DHX37: variants seen among roughly 807,000 people sequenced by gnomAD.
The protein encoded by DHX37 is probable ATP-dependent RNA helicase DHX37.
DHX37 carries 52 observed loss-of-function variants against 134.3 expected under a neutral mutation model. The observed-to-expected ratio is 0.39, with a 90% CI of 0.31 to 0.49. DHX37 has a LOEUF of 0.49. Ranked by LOEUF, DHX37 falls within the 20% of genes least tolerant of loss-of-function variation. The probability of loss-of-function intolerance (pLI) is 0.93; values close to 1 mark genes in which losing one functional copy is unlikely to be tolerated. For missense variants in DHX37, 1,344 were observed against 1,580.8 expected, an observed-to-expected ratio of 0.85 and a Z score of 2.54; for synonymous variants, 634 against 670.7, an observed-to-expected ratio of 0.95 and a Z score of 0.85.
At position 124,980,563 on chromosome 12, in the gene DHX37, G is replaced by C. The variant is rs75990925; in HGVS notation, c.665C>G (p.Ala222Gly). Residue 222 changes from alanine (A) to glycine (G), a missense_variant, in exon 4 of 27, where the codon GCA becomes GGA. By Grantham distance (60) the Ala-to-Gly change is moderately conservative. Around this residue, in one of 7 missense-constraint regions of DHX37, gnomAD observed 319 missense variants for 296.1 expected, o/e 1.08. Transcript: ENST00000308736. This position sits in a 1 kb window ranked among gnomAD's most constrained non-coding sequence, Gnocchi z 5.3. ...AGMTVPPPPAAAPPLPRALAK... is the reference protein window; with the variant it reads ...AGMTVPPPPAGAPPLPRALAK... ...CAGGGCCCTGGGCAGTGGTGGGGCT[G>C]CAGCTGGAGGAGGAGGAACAGTCAT... The C allele has an allele frequency of 1.5e-3, 2,429 of 1,611,950 alleles. 33 individuals carry two copies. The African/African-American group carries it at 0.029, about 19-fold the overall frequency.
At chr12:124,961,350 T>C (rs1954261103) in intron 15 of DHX37, among the ~76,000 whole-genome samples, 1 of 148,432 alleles carries the variant, frequency 6.7e-6, no homozygotes, top group Admixed American at 6.6e-5. Context: ...ACACACACAA[T>C]TACAGCACAC....
At chr12:124,968,785 A>C (rs1954452809) in intron 9 of DHX37, 82 bp downstream of exon 9, 2 of 1,597,898 alleles carry the variant, frequency 1.3e-6, no homozygotes, top group Admixed American at 3.4e-5. Context: ...CCTGTGACCA[A>C]GTGAGGTCTC....
intron 6 of DHX37, among the ~76,000 whole-genome samples, chr12:124,973,645 T>TTA: frequency 1.4e-5 from 2 of 144,798 alleles, no homozygotes; most frequent in African/African-American, 5.1e-5. Context: ...ACGCTTTTTT[T>TTA]TTTTTTTTTT....
Position 124,952,430 on chromosome 12 carries a change from T to C in DHX37, c.2836A>G (p.Met946Val). The C allele has an allele frequency of 1.2e-6, 2 of 1,610,514 alleles. No individual in the cohort carries two copies. The highest frequency in any genetic ancestry group is 1.1e-5 in the South Asian group (1 of 90,820). ...HLARRVQSEE[M>V]LEDKWRNAYK... ...GCGTTCCTCCACTTGTCCTCCAGCA[T>C]CTCCTCGCTCTGGACCCTGCGGGCC... Residue 946 changes from methionine (M) to valine (V), a missense_variant, in exon 21 of 27, where the codon ATG (methionine) becomes GTG (valine). This residue lies in a region of DHX37 where 558 missense variants were observed against 650.0 expected (regional missense o/e 0.86). Transcript: ENST00000308736.
intron 10 of DHX37, 86 bp downstream of exon 10, chr12:124,968,448 C>T: frequency 6.4e-7 from 1 of 1,570,282 alleles, no homozygotes; most frequent in Non-Finnish European, 8.6e-7. Context: ...TTCTGAGCCA[C>T]TCGGAGATGG....
Position 124,967,140 on chromosome 12 carries a change from G to A in DHX37, c.1487C>T (p.Ser496Phe), listed in dbSNP as rs1443680716. ...CRRLRKAFPP[S>F]RARPQEKDDD... is the part of the protein sequence containing the mutation. ...CTCTTTACCTTGTGGCCGGGCTCTG[G>A]AGGGTGGGAAAGCCTTCCTGAGCCT... The change falls in exon 11 of 27, where the codon TCC (serine) becomes TTC (phenylalanine). Residue 496 changes from serine (S) to phenylalanine (F), a missense_variant. Transcript: ENST00000308736. 8.1e-6 allele frequency: 13 copies of A among 1,613,782 alleles called. No individual in the cohort carries two copies. Among genetic ancestry groups the A allele is most frequent in the Non-Finnish European group, 1.0e-5 (12 of 1,180,030 alleles).
intron 4 of DHX37, among the ~76,000 whole-genome samples, chr12:124,979,119 G>T (rs561842626): frequency 6.6e-6 from 1 of 152,130 alleles, no homozygotes; most frequent in Non-Finnish European, 1.5e-5. Flanking sequence ...GGAGGCCAAA[G>T]TGGGCAGATT....
Position 124,965,791 on chromosome 12 carries a change from C to A in DHX37, c.1612G>T (p.Asp538Tyr), listed in dbSNP as rs765664763. 1 of 1,613,846 alleles carries A rather than the reference C, an allele frequency of 6.2e-7. No individual in the cohort carries two copies. The highest frequency in any genetic ancestry group is 1.3e-5 in the African/African-American group (1 of 75,052). ...RAEVLPQINL[D>Y]HYSVLPAGEG... ...CCTGCCGGTAACACCGAGTAATGATCCAAGTTGATCTGGGGCAGCACCTAC... is the reference window on the plus strand; with the variant it reads ...CCTGCCGGTAACACCGAGTAATGATACAAGTTGATCTGGGGCAGCACCTAC... The change falls in exon 13 of 27, where the codon GAT (aspartate) becomes TAT (tyrosine). Residue 538 changes from aspartate (D) to tyrosine (Y), a missense_variant. Around this residue, in one of 7 missense-constraint regions of DHX37, gnomAD observed 289 missense variants for 323.8 expected, o/e 0.89. Transcript: ENST00000308736.
Position 124,980,485 on chromosome 12 carries a change from C to G in DHX37, c.738+5G>C. 6.2e-7 allele frequency: 1 copy of G among 1,605,684 alleles called. No individual in the cohort carries two copies. The highest frequency in any genetic ancestry group is 8.5e-7 in the Non-Finnish European group (1 of 1,177,836). ...ATTCTTAATCACAAACACGGGGTGG[C>G]GAACCTGCATTTCCGGGGAGCGGTT... On this transcript the variant is annotated splice_donor_5th_base_variant and intron_variant, in intron 4 of 26. Coordinates refer to ENST00000308736, the MANE Select transcript of DHX37 (RefSeq NM_032656.4). This position sits in a 1 kb window ranked among gnomAD's most constrained non-coding sequence, Gnocchi z 5.3.
intron 3 of DHX37, among the ~76,000 whole-genome samples, chr12:124,982,113 ACT>A (rs1275795469): frequency 6.9e-6 from 1 of 144,396 alleles, no homozygotes; most frequent in Non-Finnish European, 1.5e-5. Context: ...ACAAAGCAAG[ACT>A]CTGTCTCAAA....
At chr12:124,975,395 G>A (rs759861814) in intron 6 of DHX37, 24 bp downstream of exon 6, 51 of 1,610,042 alleles carry the variant, frequency 3.2e-5, no homozygotes, top group Middle Eastern at 1.6e-4. Flanking sequence ...CCCATAGTCC[G>A]CCCCAGGGAA....
In DHX37 at chr12:124,966,840, G is replaced by A. The variant is rs777566282; in HGVS notation, c.1543C>T (p.Arg515Trp). 10 of 1,614,206 alleles carry A rather than the reference G, an allele frequency of 6.2e-6. No homozygotes were observed. The highest frequency in any genetic ancestry group is 3.3e-5 in the South Asian group (3 of 91,090). Reference protein sequence around the residue: ...DDQKDSVEEMRKFKKSRARAK... With the variant: ...DDQKDSVEEMWKFKKSRARAK... ...CTGGCCCTTGACTTCTTAAACTTCC[G>A]CATTTCCTCCACCGAGTCTTTCTGA... The change falls in exon 12 of 27, where the codon CGG (arginine) becomes TGG (tryptophan). Residue 515 changes from arginine to tryptophan, a missense_variant. Arg to Trp is a moderately radical substitution (Grantham distance 101). Around this residue, in one of 7 missense-constraint regions of DHX37, gnomAD observed 289 missense variants for 323.8 expected, o/e 0.89. Transcript: ENST00000308736.
intron 16 of DHX37, among the ~76,000 whole-genome samples, chr12:124,959,639 G>A (rs7302099): frequency 0.39 from 58,811 of 152,122 alleles, 12,256 homozygotes; most frequent in East Asian, 0.78. Context: ...GTTTGGAAAC[G>A]TAACTGGGAC....
In DHX37 at chr12:124,980,413, C is replaced by A; in HGVS notation, c.738+77G>T. 6.7e-7 allele frequency: 1 copy of A among 1,491,716 alleles called. No individual in the cohort carries two copies. The highest frequency in any genetic ancestry group is 2.4e-5 in the East Asian group (1 of 42,518). The allele number at this position is 1,491,716 out of a possible 1,614,324, so 92.4% of individuals were successfully genotyped here. A position where few individuals can be genotyped will look rare whatever the true frequency, so the allele number is the denominator to read the frequency against. The stretch of plus-strand genomic sequence containing the variant: ...GGCACAGAGAAGGGATGCCCTTGCC[C>A]CACTTCACCAGGACGCCCTCTGTGC... On this transcript the variant is annotated intron_variant, in intron 4 of 26. Coordinates refer to ENST00000308736, the MANE Select transcript of DHX37 (RefSeq NM_032656.4). This position sits in a 1 kb window ranked among gnomAD's most constrained non-coding sequence, Gnocchi z 5.3.
intron 2 of DHX37, among the ~76,000 whole-genome samples, chr12:124,983,148 AC>A (rs1460634706): frequency 2.0e-5 from 3 of 152,008 alleles, no homozygotes; most frequent in African/African-American, 7.2e-5. Flanking sequence ...TCGCTCTGTC[AC>A]CCAGGCTGGA....
chr12:124,977,572 C>T, intron 4 of DHX37, 82 bp from the exon 5 acceptor site: 1 of 1,455,038 alleles, frequency 6.9e-7, no homozygotes, highest in Non-Finnish European at 9.1e-7. Context: ...GCAGCTGACA[C>T]ATGGGTGCTG....
intron 2 of DHX37, 82 bp downstream of exon 2, chr12:124,986,014 A>G (rs998570785): frequency 1.9e-6 from 3 of 1,548,102 alleles, no homozygotes; most frequent in Non-Finnish European, 2.6e-6. Context: ...TGCACCACAG[A>G]GACACCCTCA....
chr12:124,980,259 A>G lies in DHX37; in HGVS notation c.738+231T>C, dbSNP rs1354960702. Among the ~76,000 whole-genome samples the G allele has an allele frequency of 1.3e-5, 2 of 152,222 alleles. No individual in the cohort carries two copies. The highest frequency in any genetic ancestry group is 2.9e-5 in the Non-Finnish European group (2 of 68,028). On this transcript the variant is annotated intron_variant, in intron 4 of 26. Coordinates refer to ENST00000308736, the MANE Select transcript of DHX37 (RefSeq NM_032656.4). The surrounding 1 kb of genome is among the most constrained non-coding windows in gnomAD (Gnocchi z 5.3). ...GATGAAGCTACTGCCGCCGACCTCC[A>G]GGGCCCCGAGCCTGCCAGGCGTGCC...
In DHX37 at chr12:124,968,386, G is replaced by C. The variant is rs1206474581; in HGVS notation, c.1408+148C>G. 4 of 1,341,902 alleles carry C rather than the reference G, an allele frequency of 3.0e-6. No individual in the cohort carries two copies. The African/African-American group carries it at 4.4e-5, about 15-fold the overall frequency. The allele number at this position is 1,341,902 out of a possible 1,614,324, so 83.1% of individuals were successfully genotyped here. On this transcript the variant is annotated intron_variant, in intron 10 of 26. Transcript: ENST00000308736. ...TGGAATAAGGCCAGACAGGTGTCAT[G>C]AACACTCTGGAATAAGTGAGGAAGC... is the stretch of plus-strand genomic sequence containing the variant.
Sources: allele counts gnomAD v4.1 joint callset (sites outside exome capture counted in the v4.1 genomes callset), GRCh38; gene constraint gnomAD v4.1.1; regional missense constraint gnomAD v4.1.1; non-coding constraint Gnocchi (gnomAD v3.1); transcripts MANE v1.5; gene names NCBI Gene and HGNC (gene_info 2026-07-23, HGNC 2026-07-21).